The following LPAR1 variants were observed in gnomAD, a reference collection of about 807,000 sequenced individuals.
LPAR1 encodes the protein lysophosphatidic acid receptor 1.
In LPAR1, 5 loss-of-function variants were observed where a neutral mutation model predicts 23.8. That is an observed-to-expected ratio of 0.21 (90% CI 0.11 to 0.44). The LOEUF is 0.44. Ranked by LOEUF, LPAR1 falls within the 20% of genes least tolerant of loss-of-function variation. The probability of loss-of-function intolerance (pLI) is 0.99; values close to 1 mark genes in which losing one functional copy is unlikely to be tolerated. For missense variants in LPAR1, 311 were observed against 482.8 expected (o/e 0.64, Z 3.33); for synonymous variants, 160 against 164.7 (o/e 0.97, Z 0.22).
intron 2 of LPAR1, among the ~76,000 whole-genome samples, chr9:111,006,483 T>C (rs1031006809): frequency 5.3e-5 from 8 of 152,186 alleles, no homozygotes; most frequent in Non-Finnish European, 1.0e-4. Context: ...CATCATGAAT[T>C]TGGAGTTCAC....
chr9:110,922,085 G>A (rs1346134469), intron 5 of LPAR1, among the ~76,000 whole-genome samples: 3 of 152,204 alleles, frequency 2.0e-5, no homozygotes, highest in Non-Finnish European at 2.9e-5. Context: ...AGAAATAAAA[G>A]TAGGAACTGG....
chr9:110,982,855 T>TACACAC (rs1266977213), intron 2 of LPAR1, among the ~76,000 whole-genome samples: 5 of 92,648 alleles, frequency 5.4e-5, no homozygotes, highest in Non-Finnish European at 6.9e-5. Flanking sequence ...AAAATGTATA[T>TACACAC]ACACATACAC....
chr9:110,941,330 C>G lies in LPAR1; in HGVS notation c.793+91G>C. ...CCTGGTGAATTACCTGGTGAATATTCATACTGTTGGTTACCTCTGACATAA... is the reference window on the plus strand; with the variant it reads ...CCTGGTGAATTACCTGGTGAATATTGATACTGTTGGTTACCTCTGACATAA... On this transcript the variant is annotated intron_variant, in intron 5 of 5. Coordinates refer to ENST00000683809, the MANE Select transcript of LPAR1 (RefSeq NM_001351411.2). This position sits in a 1 kb window ranked among gnomAD's most constrained non-coding sequence, Gnocchi z 6.1. The G allele has an allele frequency of 8.5e-7, 1 of 1,179,044 alleles. No homozygotes were observed. Among genetic ancestry groups the G allele is most frequent in the Non-Finnish European group, 1.2e-6 (1 of 838,332 alleles). 73.0% of individuals were successfully genotyped at this position (1,179,044 alleles called of 1,614,324 possible). A position where few individuals can be genotyped will look rare whatever the true frequency, so the allele number is the denominator to read the frequency against.
intron 2 of LPAR1, among the ~76,000 whole-genome samples, chr9:110,975,871 C>T (rs2096543142): frequency 6.6e-6 from 1 of 152,178 alleles, no homozygotes; most frequent in African/African-American, 2.4e-5. Context: ...TTTGTTGAAC[C>T]TATTCACACA....
intron 5 of LPAR1, among the ~76,000 whole-genome samples, chr9:110,892,749 A>AGGGAGGAAGGGGAGGAAG (rs200299800): frequency 7.3e-6 from 1 of 136,574 alleles, no homozygotes; most frequent in Non-Finnish European, 1.6e-5. Flanking sequence ...AGGAAGAGGG[A>AGGGAGGAAGGGGAGGAAG]GGGAGGAAGG....
At chr9:110,905,147 T>C (rs987031927) in intron 5 of LPAR1, among the ~76,000 whole-genome samples, 3 of 142,440 alleles carry the variant, frequency 2.1e-5, no homozygotes, top group Non-Finnish European at 3.2e-5. Flanking sequence ...AGGAACTATA[T>C]GAAAATTGGC....
intron 5 of LPAR1, among the ~76,000 whole-genome samples, chr9:110,884,222 T>C (rs1013160920): frequency 6.6e-6 from 1 of 152,146 alleles, no homozygotes; most frequent in Non-Finnish European, 1.5e-5. Flanking sequence ...CCCCTAACCA[T>C]GGGCCTTTGT....
chr9:110,944,709 T>C (rs1380756171), intron 4 of LPAR1, among the ~76,000 whole-genome samples: 1 of 152,196 alleles, frequency 6.6e-6, no homozygotes, highest in Non-Finnish European at 1.5e-5. Flanking sequence ...TGTACAAAGA[T>C]GAGTAAAACT....
intron 5 of LPAR1, among the ~76,000 whole-genome samples, chr9:110,887,415 T>A (rs771097760): frequency 9.9e-5 from 15 of 152,110 alleles, no homozygotes; most frequent in Non-Finnish European, 2.1e-4. Flanking sequence ...GTAAATGTGG[T>A]CACTGTCATT....
Position 110,941,539 on chromosome 9 carries a change from A to G in LPAR1, c.675T>C (p.Tyr225=), listed in dbSNP as rs2095107329. ...LVTFVVMVVL[Y]AHIFGYVRQR... is the part of the protein sequence containing the mutation. ...GGCGAACATAGCCAAAGATGTGAGC[A>G]TAGAGAACCACCATTACCACAAAGG... The change falls in exon 5 of 6, where the codon TAT becomes TAC. Residue 225 remains tyrosine (Y), a synonymous_variant. Transcript: ENST00000683809. This position sits in a 1 kb window ranked among gnomAD's most constrained non-coding sequence, Gnocchi z 6.1. The G allele has an allele frequency of 6.2e-7, 1 of 1,614,060 alleles. No homozygotes were observed. The highest frequency in any genetic ancestry group is 1.3e-5 in the African/African-American group (1 of 74,932).
intron 2 of LPAR1, among the ~76,000 whole-genome samples, chr9:111,010,462 G>T (rs2140542086): frequency 6.6e-6 from 1 of 152,036 alleles, no homozygotes; most frequent in East Asian, 1.9e-4. Context: ...ATAAGGTAGG[G>T]GCTAAAACCA....
chr9:111,035,087 C>A (rs915781629), intron 2 of LPAR1, among the ~76,000 whole-genome samples: 4 of 152,220 alleles, frequency 2.6e-5, no homozygotes, highest in Admixed American at 6.5e-5. Flanking sequence ...ATCTTTCCCC[C>A]CTGTGTTGCA....
intron 2 of LPAR1, among the ~76,000 whole-genome samples, chr9:111,022,826 G>A (rs567059022): frequency 5.3e-4 from 81 of 152,038 alleles, no homozygotes; most frequent in African/African-American, 1.7e-3. Context: ...CAAGGCGGGC[G>A]GATTACGAGG....
At chr9:110,940,853 T>G (rs899914075) in intron 5 of LPAR1, among the ~76,000 whole-genome samples, 2 of 152,196 alleles carry the variant, frequency 1.3e-5, no homozygotes, top group Non-Finnish European at 2.9e-5. Context: ...CCTCCACTAC[T>G]ACAAATAGAA....
At chr9:110,888,984 G>T (rs1057019092) in intron 5 of LPAR1, among the ~76,000 whole-genome samples, 1 of 152,168 alleles carries the variant, frequency 6.6e-6, no homozygotes, top group South Asian at 2.1e-4. Context: ...ATACTGCAAG[G>T]ATATACAACT....
Position 110,903,882 on chromosome 9 carries a change from C to CAAAA in LPAR1, c.794-28164_794-28161dup, listed in dbSNP as rs61456167. Among the ~76,000 whole-genome samples, 44 of 77,240 alleles carry CAAAA rather than the reference C, an allele frequency of 5.7e-4. 2 individuals are homozygous for CAAAA. Among genetic ancestry groups the CAAAA allele is most frequent in the African/African-American group, 1.8e-3 (27 of 15,254 alleles). The allele number at this position is 77,240 out of a possible 152,430, so 50.7% of individuals were successfully genotyped here. A position where few individuals can be genotyped will look rare whatever the true frequency, so the allele number is the denominator to read the frequency against. ...AATTAAAATTTTGATAAGTGAATTG[C>CAAAA]AAAAAAAAAAAAAAAAAAAAAAGTC... On this transcript the variant is annotated intron_variant, in intron 5 of 5. Transcript: ENST00000683809.
chr9:110,991,574 T>G (rs755795155), intron 2 of LPAR1, among the ~76,000 whole-genome samples: 65 of 83,316 alleles, frequency 7.8e-4, no homozygotes, highest in Non-Finnish European at 1.6e-3. Flanking sequence ...ATCTTTCTGG[T>G]TTGTTTTGTT....
chr9:110,903,437 C>T (rs534274072), intron 5 of LPAR1: 16 of 151,920 alleles, frequency 1.1e-4, no homozygotes, highest in African/African-American at 1.4e-4. Flanking sequence ...TGACGCATTC[C>T]GTATTTTTTG....
At chr9:111,022,647 T>C (rs2097580222) in intron 2 of LPAR1, among the ~76,000 whole-genome samples, 1 of 152,220 alleles carries the variant, frequency 6.6e-6, no homozygotes. Context: ...GCATAGTTAC[T>C]AAATTGGTAA....
Sources: gnomAD v4.1 joint callset for allele counts (sites outside exome capture counted in the v4.1 genomes callset) on GRCh38, gnomAD v4.1.1 for gene constraint, Gnocchi (gnomAD v3.1) non-coding constraint, MANE v1.5 for transcripts, NCBI Gene and HGNC (gene_info 2026-07-23, HGNC 2026-07-21) for gene names.